The following COL11A1 variants were observed in gnomAD, a reference collection of about 807,000 sequenced individuals.
The protein encoded by COL11A1 is collagen type XI alpha 1 chain.
In COL11A1, 74 loss-of-function variants were observed where a neutral mutation model predicts 265.2. That is an observed-to-expected ratio of 0.28 (90% CI 0.23 to 0.34). The LOEUF (loss-of-function observed/expected upper bound fraction) is 0.34. Among genes scored for constraint, COL11A1 ranks in the 10% least tolerant of loss-of-function variants. COL11A1 has a pLI of 1.00. For synonymous variants in COL11A1, 816 were observed against 727.6 expected, an observed-to-expected ratio of 1.12 and a Z score of -1.96; for missense variants, 2,165 against 2,263.6, an observed-to-expected ratio of 0.96 and a Z score of 0.88.
intron 42 of COL11A1, among the ~76,000 whole-genome samples, chr1:102,941,323 G>A (rs1427511870): frequency 1.3e-5 from 2 of 152,076 alleles, no homozygotes; most frequent in Non-Finnish European, 2.9e-5. Flanking sequence ...AAAACCTCCT[G>A]CCTTTCCCCA....
intron 52 of COL11A1, 110 bp from the exon 53 acceptor site, chr1:102,913,800 G>T: frequency 1.0e-6 from 1 of 958,020 alleles, no homozygotes; most frequent in Non-Finnish European, 1.7e-6. Flanking sequence ...ATTATCAGAT[G>T]GACAAGTAAA....
chr1:102,977,344 G>A (rs1662593847), intron 35 of COL11A1, among the ~76,000 whole-genome samples: 1 of 152,114 alleles, frequency 6.6e-6, no homozygotes, highest in South Asian at 2.1e-4. Context: ...TATATGAATA[G>A]TTATTGAAAA....
intron 28 of COL11A1, among the ~76,000 whole-genome samples, chr1:102,994,702 C>A (rs537275217): frequency 3.3e-5 from 5 of 152,138 alleles, no homozygotes; most frequent in African/African-American, 9.6e-5. Context: ...TTATGCTATG[C>A]AACTATGTGT....
At chr1:102,886,020 C>G (rs1434288418) in intron 63 of COL11A1, among the ~76,000 whole-genome samples, 1 of 151,998 alleles carries the variant, frequency 6.6e-6, no homozygotes, top group Non-Finnish European at 1.5e-5. Context: ...ACAGTTATAA[C>G]TGACATTATA....
chr1:103,051,369 G>A (rs990150919), intron 4 of COL11A1, among the ~76,000 whole-genome samples: 3 of 152,192 alleles, frequency 2.0e-5, no homozygotes, highest in African/African-American at 7.2e-5. Context: ...CTAGCAATCA[G>A]TGAGACTCCG....
intron 4 of COL11A1, among the ~76,000 whole-genome samples, chr1:103,033,788 T>C (rs147546240): frequency 1.3e-5 from 2 of 152,182 alleles, no homozygotes; most frequent in South Asian, 2.1e-4. Flanking sequence ...CTTTTAAATA[T>C]GGGAATGTCT....
chr1:103,030,816 G>A (rs573934233), intron 5 of COL11A1: 51 of 357,798 alleles, frequency 1.4e-4, no homozygotes, highest in African/African-American at 8.5e-4. Flanking sequence ...GCTAATGGTC[G>A]AAATATCGCT....
rs763484552 is a variant in COL11A1 at position 103,026,295 on chromosome 1, T to C, written c.818A>G (p.Tyr273Cys). ...PEDIIEYDYE[Y>C]GEAEYKEAES... ...AGCCTCTTTATACTCTGCTTCCCCA[T>C]ACTCATAGTCATATTCGATTATATC... Residue 273 changes from tyrosine (Y) to cysteine (C), a missense_variant, in exon 6 of 67, where the codon TAT (tyrosine) becomes TGT (cysteine). Physicochemically the swap from Tyr to Cys is radical, Grantham distance 194. Coordinates refer to ENST00000370096, the MANE Select transcript of COL11A1 (RefSeq NM_001854.4). 4.8e-5 allele frequency: 77 copies of C among 1,613,454 alleles called. No homozygotes were observed. The highest frequency in any genetic ancestry group is 6.2e-5 in the Non-Finnish European group (73 of 1,179,524).
rs544558651 is a variant in COL11A1, at chr1:102,929,767, T to C, written c.3600+4682A>G. Among the ~76,000 whole-genome samples the C allele has an allele frequency of 2.8e-3, 430 of 152,234 alleles. 3 individuals carry two copies. The highest frequency in any genetic ancestry group is 9.7e-3 in the African/African-American group (401 of 41,502). On this transcript the variant is annotated intron_variant, in intron 46 of 66. Transcript: ENST00000370096. ...TTTGTTTGTATCCTCTTTTATTTCA[T>C]TGAGCAGTGGTTTGTATTTCTCCTT...
At chr1:103,053,800 A>T (rs1670017614) in intron 4 of COL11A1, among the ~76,000 whole-genome samples, 1 of 152,232 alleles carries the variant, frequency 6.6e-6, no homozygotes. Context: ...AATCTAACAA[A>T]TGCTCAACTT....
intron 35 of COL11A1, 120 bp downstream of exon 35, chr1:102,978,588 G>A: frequency 9.3e-7 from 1 of 1,080,678 alleles, no homozygotes; most frequent in Non-Finnish European, 1.4e-6. Flanking sequence ...TTTAAATTCA[G>A]ACTAGATTTT....
intron 14 of COL11A1, 59 bp from the exon 15 acceptor site, chr1:103,008,575 C>T: frequency 1.5e-6 from 2 of 1,298,068 alleles, no homozygotes; most frequent in Non-Finnish European, 2.2e-6. Flanking sequence ...CTACTTTTAT[C>T]CTGCCAATTG....
chr1:102,897,275 T>G (rs1652544857), intron 57 of COL11A1, among the ~76,000 whole-genome samples: 1 of 151,936 alleles, frequency 6.6e-6, no homozygotes, highest in Admixed American at 6.6e-5. Flanking sequence ...TTAATATATT[T>G]ATGATAAAAG....
chr1:102,911,782 A>T (rs1654713624), intron 54 of COL11A1, among the ~76,000 whole-genome samples: 1 of 152,190 alleles, frequency 6.6e-6, no homozygotes, highest in Non-Finnish European at 1.5e-5. Context: ...TGATGCATTC[A>T]TGTTTTTACA....
chr1:103,101,934 A>G (rs1414058058), intron 1 of COL11A1, among the ~76,000 whole-genome samples: 2 of 152,036 alleles, frequency 1.3e-5, no homozygotes, highest in Non-Finnish European at 2.9e-5. Context: ...ATGCGCAGCA[A>G]GCAAAGAGTT....
chr1:103,068,992 G>A (rs138335900), intron 4 of COL11A1, among the ~76,000 whole-genome samples: 210 of 151,752 alleles, frequency 1.4e-3, no homozygotes, highest in African/African-American at 4.2e-3. Context: ...AATTTCAATT[G>A]TCTTCATTAT....
Position 102,888,590 on chromosome 1 carries a change from G to A in COL11A1, c.4595C>T (p.Pro1532Leu). Residue 1532 changes from proline (P) to leucine (L), a missense_variant, in exon 62 of 67, where the codon CCT (proline) becomes CTT (leucine). Physicochemically the swap from Pro to Leu is moderately conservative, Grantham distance 98. Transcript: ENST00000370096. ...ACATATACTTACTGGAGACCCAGGAGGCCCTGGAAGACCACTGTCACCTTT... is the reference window on the plus strand; with the variant it reads ...ACATATACTTACTGGAGACCCAGGAAGCCCTGGAAGACCACTGTCACCTTT... Reference protein sequence around the residue: ...GQKGDSGLPGPPGSPGPPGEV... With the variant: ...GQKGDSGLPGLPGSPGPPGEV... 2 of 1,613,176 alleles carry A rather than the reference G, an allele frequency of 1.2e-6. No individual in the cohort carries two copies. The highest frequency in any genetic ancestry group is 1.7e-5 in the Admixed American group (1 of 59,962).
In COL11A1 at chr1:103,005,488, G is replaced by A. The variant is rs571654427; in HGVS notation, c.1845+350C>T. Among the ~76,000 whole-genome samples, 44 of 152,126 alleles carry A rather than the reference G, an allele frequency of 2.9e-4. No homozygotes were observed. In the South Asian group the frequency reaches 9.1e-3, roughly 32 times the overall value. On this transcript the variant is annotated intron_variant, in intron 18 of 66. Coordinates refer to ENST00000370096, the MANE Select transcript of COL11A1 (RefSeq NM_001854.4). ...TCTTCTTTTGAGTATATGTCCACAGGCAAAAAGCAATGAAAAGGTTGAAGG... is the reference window on the plus strand; with the variant it reads ...TCTTCTTTTGAGTATATGTCCACAGACAAAAAGCAATGAAAAGGTTGAAGG...
Position 103,006,140 on chromosome 1 carries a change from T to G in COL11A1, c.1738-19A>C. 1 of 1,605,472 alleles carries G rather than the reference T, an allele frequency of 6.2e-7. No homozygotes were observed. Among genetic ancestry groups the G allele is most frequent in the Non-Finnish European group, 8.5e-7 (1 of 1,174,948 alleles). ...GACGACCCTAATAATGCCAACAGCA[T>G]GATTAAGCGAAGTGACTTTTATTAC... On this transcript the variant is annotated intron_variant, in intron 16 of 66. Transcript: ENST00000370096.
Sources: allele counts gnomAD v4.1 joint callset (sites outside exome capture counted in the v4.1 genomes callset), GRCh38; gene constraint gnomAD v4.1.1; transcripts MANE v1.5; gene names NCBI Gene and HGNC (gene_info 2026-07-23, HGNC 2026-07-21).